The following PATE4 variants were observed in gnomAD, a reference collection of about 807,000 sequenced individuals.
PATE4 encodes prostate and testis expressed 4, also known as prostate and testis expressed protein 4.
Under a neutral mutation model 8.5 loss-of-function variants are expected in PATE4, and 13 were observed. The ratio of observed to expected loss-of-function variants is 1.53; its 90% CI spans 1.00 to 2.43. PATE4 has a LOEUF of 2.43. Among genes scored for constraint, PATE4 ranks in the 30% most tolerant of loss-of-function variants. The pLI is 0.00. For missense variants in PATE4, 127 were observed against 115.5 expected, an observed-to-expected ratio of 1.10 and a Z score of -0.46; for synonymous variants, 47 against 39.3, an observed-to-expected ratio of 1.20 and a Z score of -0.73.
intron 1 of PATE4, 91 bp downstream of exon 1, chr11:125,833,508 T>C: frequency 8.1e-7 from 1 of 1,228,194 alleles, no homozygotes; most frequent in South Asian, 1.4e-5. Flanking sequence ...ATGCTCCAGC[T>C]GAGACCCAAA....
Position 125,838,403 on chromosome 11 carries a change from C to G in PATE4, c.273C>G (p.Asp91Glu). ...RGLLRVTLCCDRNFCNVF is the reference protein window; with the variant it reads ...RGLLRVTLCCERNFCNVF Reference sequence around the variant, plus strand: ...TGTTGAGAGTGACACTGTGCTGTGACAGAAACTTCTGTAATGTCTTCTAAT... The same window carrying G: ...TGTTGAGAGTGACACTGTGCTGTGAGAGAAACTTCTGTAATGTCTTCTAAT... The change falls in exon 3 of 3, where the codon GAC becomes GAG. Residue 91 changes from aspartate to glutamate, a missense_variant. Physicochemically the swap from Asp to Glu is conservative, Grantham distance 45. Coordinates refer to ENST00000457514, the MANE Select transcript of PATE4 (RefSeq NM_001144874.1). The G allele has an allele frequency of 6.5e-7, 1 of 1,550,068 alleles. No homozygotes were observed. The highest frequency in any genetic ancestry group is 2.4e-5 in the East Asian group (1 of 40,892).
At chr11:125,834,318 T>C (rs1369864974) in intron 1 of PATE4, among the ~76,000 whole-genome samples, 3 of 152,230 alleles carry the variant, frequency 2.0e-5, no homozygotes, top group Middle Eastern at 3.4e-3. Context: ...TGATATGTAA[T>C]GCCTCCTTTA....
At chr11:125,834,424 A>G (rs1303219361) in intron 1 of PATE4, among the ~76,000 whole-genome samples, 1 of 152,236 alleles carries the variant, frequency 6.6e-6, no homozygotes, top group Non-Finnish European at 1.5e-5. Context: ...GCTATTAAAC[A>G]TATAAAAAGT....
Position 125,839,403 on chromosome 11 carries a change from G to T in PATE4, c.*976G>T, listed in dbSNP as rs907423841. The stretch of plus-strand genomic sequence containing the variant: ...TGACATGCTGCAGATAATCCTTTAG[G>T]TGTATCTGTGGTAAATGGTGCCTTG... On this transcript the variant is annotated 3_prime_UTR_variant, in exon 3 of 3. Transcript: ENST00000457514. 1 of 152,136 alleles carries T rather than the reference G, an allele frequency of 6.6e-6. No homozygotes were observed. Among genetic ancestry groups the T allele is most frequent in the Non-Finnish European group, 1.5e-5 (1 of 68,034 alleles). The allele number at this position is 152,136 out of a possible 1,614,324, so 9.4% of individuals were successfully genotyped here. A position where few individuals can be genotyped will look rare whatever the true frequency, so the allele number is the denominator to read the frequency against.
At chr11:125,833,661 T>A (rs1943902201) in intron 1 of PATE4, among the ~76,000 whole-genome samples, 1 of 152,186 alleles carries the variant, frequency 6.6e-6, no homozygotes, top group Non-Finnish European at 1.5e-5. Flanking sequence ...ACTTATCTCA[T>A]TTTGGACCCT....
In PATE4 at chr11:125,839,788, T is replaced by C. The variant is rs1406577085; in HGVS notation, c.*1361T>C. The C allele has an allele frequency of 6.6e-6, 1 of 152,136 alleles. No homozygotes were observed. The highest frequency in any genetic ancestry group is 2.4e-5 in the African/African-American group (1 of 41,430). The allele number at this position is 152,136 out of a possible 1,614,324, so 9.4% of individuals were successfully genotyped here. On this transcript the variant is annotated 3_prime_UTR_variant, in exon 3 of 3. Transcript: ENST00000457514. ...ATAGCACAGGAAAAACCTGCCCCCA[T>C]GATTCAATTACCTCCCACCGGTCCC...
At chr11:125,833,875 A>G (rs1943903411) in intron 1 of PATE4, among the ~76,000 whole-genome samples, 1 of 152,092 alleles carries the variant, frequency 6.6e-6, no homozygotes, top group Admixed American at 6.6e-5. Flanking sequence ...TACAATCTAT[A>G]TGCTGAAAAT....
chr11:125,838,199 G>A (rs1943933997), intron 2 of PATE4, 107 bp from the exon 3 acceptor site: 12 of 1,286,166 alleles, frequency 9.3e-6, no homozygotes, highest in Admixed American at 5.5e-5. Context: ...CCCAGGAGCC[G>A]GGAAGGAGAC....
At chr11:125,833,450 A>C in intron 1 of PATE4, 33 bp downstream of exon 1, 1 of 1,531,154 alleles carries the variant, frequency 6.5e-7, no homozygotes, top group Non-Finnish European at 8.9e-7. Flanking sequence ...GAGGGAGGCA[A>C]CTTAGGGGTG....
Position 125,838,335 on chromosome 11 carries a change from T to C in PATE4, c.205T>C (p.Cys69Arg). Residue 69 changes from cysteine (C) to arginine (R), a missense_variant, in exon 3 of 3, where the codon TGT (cysteine) becomes CGT (arginine). Physicochemically the swap from Cys to Arg is radical, Grantham distance 180. Coordinates refer to ENST00000457514, the MANE Select transcript of PATE4 (RefSeq NM_001144874.1). ...GDKHMYSTHM[C>R]KYKCREEESS... ...CAAACATATGTACTCAACACATATG[T>C]GTAAGTATAAGTGCCGGGAAGAGGA... The C allele has an allele frequency of 1.9e-6, 3 of 1,550,910 alleles. No individual in the cohort carries two copies. The highest frequency in any genetic ancestry group is 2.6e-6 in the Non-Finnish European group (3 of 1,146,702).
Position 125,839,583 on chromosome 11 carries a change from T to A in PATE4, c.*1156T>A, listed in dbSNP as rs1289213738. ...AAGGACATACCCACGACTGGGCAAT[T>A]TACGAAAGAAAGGGGTTTATCGGAC... On this transcript the variant is annotated 3_prime_UTR_variant, in exon 3 of 3. Coordinates refer to ENST00000457514, the MANE Select transcript of PATE4 (RefSeq NM_001144874.1). 6.6e-6 allele frequency: 1 copy of A among 152,602 alleles called. No homozygotes were observed. Among genetic ancestry groups the A allele is most frequent in the Non-Finnish European group, 1.5e-5 (1 of 68,420 alleles). 9.5% of individuals were successfully genotyped at this position (152,602 alleles called of 1,614,324 possible). A position where few individuals can be genotyped will look rare whatever the true frequency, so the allele number is the denominator to read the frequency against.
chr11:125,839,909 G>A lies in PATE4; in HGVS notation c.*1482G>A, dbSNP rs1283613114. On this transcript the variant is annotated 3_prime_UTR_variant, in exon 3 of 3. Transcript: ENST00000457514. The stretch of plus-strand genomic sequence containing the variant: ...TAAAACTCTCCTCTCTAGCTCCTAT[G>A]ACTGTACATTTGTAGTTCTCCCACC... 1 of 152,152 alleles carries A rather than the reference G, an allele frequency of 6.6e-6. No homozygotes were observed. The highest frequency in any genetic ancestry group is 1.5e-5 in the Non-Finnish European group (1 of 68,026). 9.4% of individuals were successfully genotyped at this position (152,152 alleles called of 1,614,324 possible).
rs1387878788 is a variant in PATE4, at chr11:125,838,287, C to T, written c.176-19C>T. 4 of 1,528,506 alleles carry T rather than the reference C, an allele frequency of 2.6e-6. No homozygotes were observed. Among genetic ancestry groups the T allele is most frequent in the East Asian group, 2.5e-5 (1 of 40,798 alleles). 94.7% of individuals were successfully genotyped at this position (1,528,506 alleles called of 1,614,324 possible). A position where few individuals can be genotyped will look rare whatever the true frequency, so the allele number is the denominator to read the frequency against. On this transcript the variant is annotated intron_variant, in intron 2 of 2. Transcript: ENST00000457514. ...AGGCAATCTCCTCCAGCATTTATAACAGGCTTCTTCATTTTCAGGAGACAA... is the reference window on the plus strand; with the variant it reads ...AGGCAATCTCCTCCAGCATTTATAATAGGCTTCTTCATTTTCAGGAGACAA...
At chr11:125,833,966 C>A (rs1197432315) in intron 1 of PATE4, among the ~76,000 whole-genome samples, 14 of 152,136 alleles carry the variant, frequency 9.2e-5, no homozygotes, top group Admixed American at 7.2e-4. Flanking sequence ...TTGGAAGTCA[C>A]CCTTGAAATC....
Position 125,839,059 on chromosome 11 carries a change from C to A in PATE4, c.*632C>A, listed in dbSNP as rs1056698046. 1 of 152,242 alleles carries A rather than the reference C, an allele frequency of 6.6e-6. No individual in the cohort carries two copies. Among genetic ancestry groups the A allele is most frequent in the African/African-American group, 2.4e-5 (1 of 41,454 alleles). The allele number at this position is 152,242 out of a possible 1,614,324, so 9.4% of individuals were successfully genotyped here. A position where few individuals can be genotyped will look rare whatever the true frequency, so the allele number is the denominator to read the frequency against. On this transcript the variant is annotated 3_prime_UTR_variant, in exon 3 of 3. Coordinates refer to ENST00000457514, the MANE Select transcript of PATE4 (RefSeq NM_001144874.1). The stretch of plus-strand genomic sequence containing the variant: ...CCTCCAGAAACCAGCCCTGCTGACA[C>A]CTTGATTTAAGCCCTGTAAGACTCA...
intron 1 of PATE4, among the ~76,000 whole-genome samples, chr11:125,833,899 T>C (rs746324462): frequency 4.6e-5 from 7 of 152,132 alleles, no homozygotes; most frequent in Non-Finnish European, 1.0e-4. Flanking sequence ...CAGTTTTATA[T>C]CCTAGCCAGA....
At chr11:125,835,506 G>A (rs1319406919) in intron 1 of PATE4, 1 of 152,146 alleles carries the variant, frequency 6.6e-6, no homozygotes, top group Non-Finnish European at 1.5e-5. Flanking sequence ...TTCTAGCAAG[G>A]TGTGGGCCAC....
chr11:125,836,512 G>A (rs1361862909), intron 1 of PATE4, among the ~76,000 whole-genome samples: 2 of 151,962 alleles, frequency 1.3e-5, no homozygotes, highest in Non-Finnish European at 2.9e-5. Flanking sequence ...TCTTTTCACT[G>A]CTGTTCCCTC....
rs1337727600 is a variant in PATE4 at position 125,838,755 on chromosome 11, T to C, written c.*328T>C. On this transcript the variant is annotated 3_prime_UTR_variant, in exon 3 of 3. Coordinates refer to ENST00000457514, the MANE Select transcript of PATE4 (RefSeq NM_001144874.1). Reference sequence around the variant, plus strand: ...TCCTAATCTCTGGAACCTGTGAATGTTACCTTACATGGCAAAAGGGACTTT... The same window carrying C: ...TCCTAATCTCTGGAACCTGTGAATGCTACCTTACATGGCAAAAGGGACTTT... 6 of 232,420 alleles carry C rather than the reference T, an allele frequency of 2.6e-5. No individual in the cohort carries two copies. Among genetic ancestry groups the C allele is most frequent in the Non-Finnish European group, 2.5e-5 (3 of 121,318 alleles). 14.4% of individuals were successfully genotyped at this position (232,420 alleles called of 1,614,324 possible). A position where few individuals can be genotyped will look rare whatever the true frequency, so the allele number is the denominator to read the frequency against.
Sources: gnomAD v4.1 joint callset for allele counts (sites outside exome capture counted in the v4.1 genomes callset) on GRCh38, gnomAD v4.1.1 for gene constraint, MANE v1.5 for transcripts, NCBI Gene and HGNC (gene_info 2026-07-23, HGNC 2026-07-21) for gene names.